Variants in RASA2 observed in about 807,000 individuals in gnomAD.
RASA2 encodes ras GTPase-activating protein 2.
A neutral mutation model predicts 118.2 loss-of-function variants in RASA2; 155 were observed. That is an observed-to-expected ratio of 1.31 (90% CI 1.15 to 1.50). RASA2 has a LOEUF of 1.50. Among genes scored for constraint, RASA2 ranks in the 40% most tolerant of loss-of-function variants. RASA2 has a pLI of 0.00. For synonymous variants in RASA2, 353 were observed against 349.1 expected (o/e 1.01, Z -0.12); for missense variants, 1,016 against 1,009.6 (o/e 1.01, Z -0.09).
intron 1 of RASA2, among the ~76,000 whole-genome samples, chr3:141,491,619 G>C (rs2081640847): frequency 6.6e-6 from 1 of 152,130 alleles, no homozygotes; most frequent in South Asian, 2.1e-4. Flanking sequence ...GAAGGTGTTA[G>C]TATTAAGAGA....
At position 141,610,039 on chromosome 3, in the gene RASA2, G is replaced by T; in HGVS notation, c.2492G>T (p.Arg831Ile). The T allele has an allele frequency of 6.3e-7, 1 of 1,596,012 alleles. No individual in the cohort carries two copies. The highest frequency in any genetic ancestry group is 1.8e-5 in the Admixed American group (1 of 56,780). Reference protein sequence around the residue: ...DEPHEKYRKKRSSSAKYGSKE... With the variant: ...DEPHEKYRKKISSSAKYGSKE... ...CCTCATGAAAAATATAGGAAGAAAA[G>T]ATCCAGTAGTGCAAAATATGGGAGC... is the stretch of plus-strand genomic sequence containing the variant. Residue 831 changes from arginine (R) to isoleucine (I), a missense_variant, in exon 23 of 24, where the codon AGA (arginine) becomes ATA (isoleucine). Arg to Ile is a moderately conservative substitution (Grantham distance 97). This residue lies in a region of RASA2 where 120 missense variants were observed against 173.2 expected (regional missense o/e 0.69). Coordinates refer to ENST00000286364, the MANE Select transcript of RASA2 (RefSeq NM_006506.5).
At chr3:141,524,030 A>G (rs796425434) in intron 3 of RASA2, among the ~76,000 whole-genome samples, 4 of 152,336 alleles carry the variant, frequency 2.6e-5, no homozygotes, top group East Asian at 1.9e-4. Flanking sequence ...CACAGGGACT[A>G]TATCAGTTAT....
At chr3:141,595,042 C>T (rs1213310342) in intron 19 of RASA2, among the ~76,000 whole-genome samples, 1 of 151,802 alleles carries the variant, frequency 6.6e-6, no homozygotes, top group Non-Finnish European at 1.5e-5. Flanking sequence ...TGAAGTGATG[C>T]AAGAATAATT....
rs892940460 is a variant in RASA2, at chr3:141,487,163, G to T, written c.80G>T (p.Gly27Val). Residue 27 changes from glycine (G) to valine (V), a missense_variant, in exon 1 of 24, where the codon GGG (glycine) becomes GTG (valine). This residue lies in a region of RASA2 where 896 missense variants were observed against 836.4 expected (regional missense o/e 1.07). Transcript: ENST00000286364. ...AASATAEPEA[G>V]DQDSREVRVL... is the part of the protein sequence containing the mutation. ...AGTGCGACTGCAGAGCCCGAGGCCG[G>T]GGACCAGGACAGTCGCGAGGTTCGA... 16 of 1,472,642 alleles carry T rather than the reference G, an allele frequency of 1.1e-5. No individual in the cohort carries two copies. Among genetic ancestry groups the T allele is most frequent in the Non-Finnish European group, 1.4e-5 (16 of 1,104,328 alleles). 91.2% of individuals were successfully genotyped at this position (1,472,642 alleles called of 1,614,324 possible).
chr3:141,521,418 A>G (rs749914161), intron 3 of RASA2, among the ~76,000 whole-genome samples: 17 of 152,224 alleles, frequency 1.1e-4, no homozygotes, highest in Non-Finnish European at 2.1e-4. Flanking sequence ...GGTAGTTATT[A>G]ATAACCTTTG....
chr3:141,538,102 C>CACAA (rs2082354502), intron 4 of RASA2, among the ~76,000 whole-genome samples: 1 of 92,212 alleles, frequency 1.1e-5, no homozygotes, highest in Admixed American at 9.1e-5. Flanking sequence ...AAAAACAAAA[C>CACAA]ACACACACAC....
intron 13 of RASA2, 107 bp from the exon 14 acceptor site, chr3:141,573,833 TTAGA>T (rs2082962900): frequency 1.1e-6 from 1 of 903,160 alleles, no homozygotes; most frequent in East Asian, 3.1e-5. Flanking sequence ...TTAAAAAATG[TTAGA>T]TAGTGACTGT....
In RASA2 at chr3:141,574,009, C is replaced by T; in HGVS notation, c.1425C>T (p.Pro475=). 6.3e-7 allele frequency: 1 copy of T among 1,589,496 alleles called. No individual in the cohort carries two copies. The highest frequency in any genetic ancestry group is 8.6e-7 in the Non-Finnish European group (1 of 1,162,120). The change falls in exon 14 of 24, where the codon CCC becomes CCT. Residue 475 remains proline (P), a synonymous_variant. Transcript: ENST00000286364. ...TTGTAAAATCAAGTATGAGCTGCCC[C>T]ACTGTAATGTGTGATATCTTTTATT... ...NTIVKSSMSC[P]TVMCDIFYSL... is the part of the protein sequence containing the mutation.
At position 141,487,807 on chromosome 3, in the gene RASA2, T is replaced by C. The variant is rs536367474; in HGVS notation, c.133+591T>C. ...CGGGCCGCCCTGGGGCCCGAGTGGC[T>C]ACCGCGCGGTCTGTTCGCGGGTGAG... is the stretch of plus-strand genomic sequence containing the variant. On this transcript the variant is annotated intron_variant, in intron 1 of 23. Transcript: ENST00000286364. Among the ~76,000 whole-genome samples the C allele has an allele frequency of 2.6e-5, 4 of 152,210 alleles. No homozygotes were observed. In the East Asian group the frequency reaches 7.7e-4, roughly 29 times the overall value.
chr3:141,597,550 C>T (rs1487654091), intron 19 of RASA2, among the ~76,000 whole-genome samples: 1 of 152,072 alleles, frequency 6.6e-6, no homozygotes, highest in African/African-American at 2.4e-5. Flanking sequence ...GGTTATACCA[C>T]TCAGTAGAGT....
At chr3:141,604,026 G>A (rs79625059) in intron 19 of RASA2, among the ~76,000 whole-genome samples, 1 of 152,188 alleles carries the variant, frequency 6.6e-6, no homozygotes, top group African/African-American at 2.4e-5. Flanking sequence ...TGGCTATTAT[G>A]AACAATGCAG....
chr3:141,561,515 TGG>T (rs2082729721), intron 9 of RASA2, among the ~76,000 whole-genome samples: 1 of 152,242 alleles, frequency 6.6e-6, no homozygotes, highest in African/African-American at 2.4e-5. Flanking sequence ...TAGGAACATC[TGG>T]TAATTCATAT....
rs34238772 is a variant in RASA2 at position 141,555,885 on chromosome 3, G to T, written c.657G>T (p.Pro219=). The change falls in exon 7 of 24, where the codon CCG becomes CCT. Residue 219 remains proline (P), a synonymous_variant. Coordinates refer to ENST00000286364, the MANE Select transcript of RASA2 (RefSeq NM_006506.5). The part of the protein sequence containing the change: ...KTKVKKKTSN[P]QFNEIFYFEV... ...AAGTAAAGAAGAAAACAAGCAATCC[G>T]CAGTTTAATGAAATCTTTTATTTTG... 1.2e-6 allele frequency: 2 copies of T among 1,610,970 alleles called. No homozygotes were observed. The highest frequency in any genetic ancestry group is 2.2e-5 in the East Asian group (1 of 44,752).
At chr3:141,534,272 C>G (rs1297067480) in intron 4 of RASA2, among the ~76,000 whole-genome samples, 1 of 152,100 alleles carries the variant, frequency 6.6e-6, no homozygotes, top group Admixed American at 6.6e-5. Context: ...GTATGGTGGC[C>G]CACTGTAGTC....
rs1028173711 is a variant in RASA2 at position 141,602,160 on chromosome 3, A to G, written c.1934-5518A>G. Among the ~76,000 whole-genome samples, 10 of 152,252 alleles carry G rather than the reference A, an allele frequency of 6.6e-5. No individual in the cohort carries two copies. The East Asian group carries it at 1.5e-3, about 24-fold the overall frequency. On this transcript the variant is annotated intron_variant, in intron 19 of 23. Coordinates refer to ENST00000286364, the MANE Select transcript of RASA2 (RefSeq NM_006506.5). ...CCTTCTTTCCCAAGTTATGTGTCACACTTTCCTGTTTTTTTATATGTCTTA... is the reference window on the plus strand; with the variant it reads ...CCTTCTTTCCCAAGTTATGTGTCACGCTTTCCTGTTTTTTTATATGTCTTA...
In RASA2 at chr3:141,571,318, T is replaced by C. The variant is rs185448363; in HGVS notation, c.1021-88T>C. The stretch of plus-strand genomic sequence containing the variant: ...TCCTGTATAACAGCTTTAGTGACAT[T>C]ATTTCAGTTACTTTTACAGGCTAGT... On this transcript the variant is annotated intron_variant, in intron 10 of 23. Coordinates refer to ENST00000286364, the MANE Select transcript of RASA2 (RefSeq NM_006506.5). The C allele has an allele frequency of 1.4e-3, 2,086 of 1,494,294 alleles. 4 individuals are homozygous for C. The highest frequency in any genetic ancestry group is 1.8e-3 in the Non-Finnish European group (2,003 of 1,106,520). The allele number at this position is 1,494,294 out of a possible 1,614,324, so 92.6% of individuals were successfully genotyped here. A position where few individuals can be genotyped will look rare whatever the true frequency, so the allele number is the denominator to read the frequency against.
At chr3:141,540,667 C>T (rs1341009067) in intron 5 of RASA2, 58 bp downstream of exon 5, 16 of 1,428,970 alleles carry the variant, frequency 1.1e-5, no homozygotes, top group Admixed American at 4.0e-5. Flanking sequence ...TGTATTCTTT[C>T]GATTTTAAGC....
intron 10 of RASA2, 25 bp downstream of exon 10, chr3:141,571,093 G>T: frequency 6.4e-7 from 1 of 1,564,026 alleles, no homozygotes; most frequent in South Asian, 1.2e-5. Context: ...TTAAGGATAT[G>T]ATTTAACACG....
chr3:141,558,342 A>G lies in RASA2; in HGVS notation c.685-544A>G, dbSNP rs536787139. Among the ~76,000 whole-genome samples, 16 of 152,318 alleles carry G rather than the reference A, an allele frequency of 1.1e-4. No individual in the cohort carries two copies. In the South Asian group the frequency reaches 2.9e-3, roughly 28 times the overall value. On this transcript the variant is annotated intron_variant, in intron 7 of 23. Transcript: ENST00000286364. Reference sequence around the variant, plus strand: ...TATAGATTCTGAAAAAGAAACAAAGACAGCAGCATAAGGTTGCCAAGGTAG... The same window carrying G: ...TATAGATTCTGAAAAAGAAACAAAGGCAGCAGCATAAGGTTGCCAAGGTAG...
Sources: allele counts gnomAD v4.1 joint callset (sites outside exome capture counted in the v4.1 genomes callset), GRCh38; gene constraint gnomAD v4.1.1; regional missense constraint gnomAD v4.1.1; transcripts MANE v1.5; gene names NCBI Gene and HGNC (gene_info 2026-07-23, HGNC 2026-07-21).